The following PDXK variants were observed in gnomAD, a reference collection of about 807,000 sequenced individuals.
The protein encoded by PDXK is pyridoxal kinase, also known as epididymis secretory sperm binding protein Li 1a.
In PDXK, 15 loss-of-function variants were observed where a neutral mutation model predicts 43.2. The observed-to-expected ratio is 0.35, with a 90% confidence interval of 0.23 to 0.53. The LOEUF (loss-of-function observed/expected upper bound fraction) is 0.53, where lower values mean the gene tolerates loss of function less well. Ranked by LOEUF, PDXK falls within the 20% of genes least tolerant of loss-of-function variation. PDXK has a pLI of 0.92. For synonymous variants in PDXK, 172 were observed against 165.4 expected (o/e 1.04, Z -0.31); for missense variants, 343 against 417.0 (o/e 0.82, Z 1.54).
intron 1 of PDXK, chr21:43,721,972 G>C (rs2147200245): frequency 6.6e-6 from 1 of 152,616 alleles, no homozygotes; most frequent in African/African-American, 2.4e-5. Context: ...GGCAGGAGGT[G>C]CAGTGTGTCA....
At chr21:43,746,534 C>A (rs1198325791) in intron 5 of PDXK, among the ~76,000 whole-genome samples, 2 of 152,140 alleles carry the variant, frequency 1.3e-5, no homozygotes, top group African/African-American at 4.8e-5. Context: ...ATTCTTAATG[C>A]CTCAGTCTCC....
At chr21:43,719,557 C>T in intron 1 of PDXK, 176 bp downstream of exon 1, 1 of 970,092 alleles carries the variant, frequency 1.0e-6, no homozygotes, top group Non-Finnish European at 1.2e-6. Flanking sequence ...CTTGCGGGGG[C>T]GGAAGCGGAG....
rs527719025 is a variant in PDXK, at chr21:43,740,517, C to T, written c.143-1150C>T. On this transcript the variant is annotated intron_variant, in intron 2 of 10. Transcript: ENST00000291565. ...CTCGATGTGAGGCGTTTCTCATGGGCGAATGTGGGGTATCCATGGTGGACC... is the reference window on the plus strand; with the variant it reads ...CTCGATGTGAGGCGTTTCTCATGGGTGAATGTGGGGTATCCATGGTGGACC... Among the ~76,000 whole-genome samples, 55 of 152,082 alleles carry T rather than the reference C, an allele frequency of 3.6e-4. 1 individual carries two copies. Among genetic ancestry groups the T allele is most frequent in the East Asian group, 2.3e-3 (12 of 5,184 alleles).
chr21:43,737,315 C>T lies in PDXK; in HGVS notation c.142+3192C>T. On this transcript the variant is annotated intron_variant, in intron 2 of 10. Transcript: ENST00000291565. The surrounding 1 kb of genome is among the most constrained non-coding windows in gnomAD (Gnocchi z 4.8). ...CGCCTCGAGGCTGCTGCTCGCACTTCTGCCCCTTCCCCCGGCCAGGCCCCC... is the reference window on the plus strand; with the variant it reads ...CGCCTCGAGGCTGCTGCTCGCACTTTTGCCCCTTCCCCCGGCCAGGCCCCC... 2 of 1,375,280 alleles carry T rather than the reference C, an allele frequency of 1.5e-6. No homozygotes were observed. The highest frequency in any genetic ancestry group is 1.9e-6 in the Non-Finnish European group (2 of 1,065,246). 85.2% of individuals were successfully genotyped at this position (1,375,280 alleles called of 1,614,324 possible).
chr21:43,743,837 T>C, intron 4 of PDXK, 30 bp downstream of exon 4: 1 of 1,537,324 alleles, frequency 6.5e-7, no homozygotes, highest in East Asian at 2.3e-5. Flanking sequence ...CGGGTCTGGC[T>C]GTGTGGCCCC....
intron 5 of PDXK, 64 bp from the exon 6 acceptor site, chr21:43,748,931 G>A (rs1445941020): frequency 1.2e-5 from 12 of 1,005,498 alleles, no homozygotes; most frequent in East Asian, 2.4e-5. Context: ...GCTTCCCTCC[G>A]CGCCCCCTGG....
At chr21:43,733,247 A>ACCCCCCCCCCCC (rs1568976417) in intron 1 of PDXK, among the ~76,000 whole-genome samples, 1 of 26,796 alleles carries the variant, frequency 3.7e-5, no homozygotes, top group Non-Finnish European at 8.9e-5. Context: ...GCCCCTCCCC[A>ACCCCCCCCCCCC]TCCCCACCCC....
chr21:43,735,347 T>C lies in PDXK; in HGVS notation c.142+1224T>C, dbSNP rs1356281858. On this transcript the variant is annotated intron_variant, in intron 2 of 10. Coordinates refer to ENST00000291565, the MANE Select transcript of PDXK (RefSeq NM_003681.5). This position sits in a 1 kb window ranked among gnomAD's most constrained non-coding sequence, Gnocchi z 5.3. ...TGGGGACTGTGTTGGGCTCCGTCAG[T>C]GCTGGTTCAACATCCACACCGACCC... 6.6e-6 allele frequency among the ~76,000 whole-genome samples: 1 copy of C among 152,222 alleles called. No individual in the cohort carries two copies. The highest frequency in any genetic ancestry group is 1.5e-5 in the Non-Finnish European group (1 of 68,036).
At chr21:43,728,035 A>C (rs1177226762) in intron 1 of PDXK, among the ~76,000 whole-genome samples, 1 of 152,176 alleles carries the variant, frequency 6.6e-6, no homozygotes, top group African/African-American at 2.4e-5. Flanking sequence ...CCTCTGCGGC[A>C]CTGTGAGCCT....
At chr21:43,731,920 A>G (rs1194167109) in intron 1 of PDXK, among the ~76,000 whole-genome samples, 1 of 151,898 alleles carries the variant, frequency 6.6e-6, no homozygotes, top group African/African-American at 2.4e-5. Flanking sequence ...GAATTGTTGG[A>G]CTCTTTAGAA....
At chr21:43,750,041 T>TG (rs2083707154) in intron 6 of PDXK, among the ~76,000 whole-genome samples, 1 of 151,842 alleles carries the variant, frequency 6.6e-6, no homozygotes. Context: ...CACGCAGGGG[T>TG]GGGGGCGCCT....
chr21:43,755,716 G>A lies in PDXK; in HGVS notation c.778G>A (p.Val260Met), dbSNP rs1346374881. Residue 260 changes from valine (V) to methionine (M), a missense_variant, in exon 10 of 11, where the codon GTG (valine) becomes ATG (methionine). By Grantham distance (21) the Val-to-Met change is conservative. Transcript: ENST00000291565. Reference sequence around the variant, plus strand: ...CCTGCAGGTGGCCTGTGAGAAGACCGTGTCTACCTTGCACCACGTTCTGCA... The same window carrying A: ...CCTGCAGGTGGCCTGTGAGAAGACCATGTCTACCTTGCACCACGTTCTGCA... ...NNLKVACEKT[V>M]STLHHVLQRT... 5.6e-6 allele frequency: 9 copies of A among 1,613,986 alleles called. No homozygotes were observed. Among genetic ancestry groups the A allele is most frequent in the East Asian group, 2.2e-5 (1 of 44,888 alleles).
intron 1 of PDXK, among the ~76,000 whole-genome samples, chr21:43,724,052 C>T (rs1299231735): frequency 6.6e-6 from 1 of 152,220 alleles, no homozygotes; most frequent in East Asian, 1.9e-4. Flanking sequence ...CCATGGGACT[C>T]CCTGCAGCCC....
At chr21:43,736,848 G>T (rs1427863919) in intron 2 of PDXK, 12 of 688,402 alleles carry the variant, frequency 1.7e-5, no homozygotes, top group South Asian at 1.1e-4. Context: ...GCCCAAGGTG[G>T]TCTTGAACTC....
Position 43,740,800 on chromosome 21 carries a change from A to G in PDXK, c.143-867A>G, listed in dbSNP as rs1012482888. ...ACATCTATCTCTTGCTCAGGAGTTG[A>G]TCTAAGACAGGCTCTAATTGCACCT... On this transcript the variant is annotated intron_variant, in intron 2 of 10. Coordinates refer to ENST00000291565, the MANE Select transcript of PDXK (RefSeq NM_003681.5). Among the ~76,000 whole-genome samples, 41 of 151,824 alleles carry G rather than the reference A, an allele frequency of 2.7e-4. 1 individual carries two copies. The highest frequency in any genetic ancestry group is 9.9e-4 in the African/African-American group (41 of 41,482).
chr21:43,750,980 G>A (rs1047602344), intron 7 of PDXK, among the ~76,000 whole-genome samples: 1 of 148,272 alleles, frequency 6.7e-6, no homozygotes, highest in Non-Finnish European at 1.5e-5. Flanking sequence ...GTGTGTGTGT[G>A]CACATGTGTG....
chr21:43,751,394 C>G (rs578238649), intron 7 of PDXK, among the ~76,000 whole-genome samples: 6 of 152,232 alleles, frequency 3.9e-5, no homozygotes, highest in South Asian at 2.1e-4. Context: ...ACTAAAAATA[C>G]AAAAATTAGC....
Position 43,758,937 on chromosome 21 carries a change from T to C in PDXK, c.*2874T>C, listed in dbSNP as rs968730165. On this transcript the variant is annotated 3_prime_UTR_variant, in exon 11 of 11. Coordinates refer to ENST00000291565, the MANE Select transcript of PDXK (RefSeq NM_003681.5). ...TTATTTTTCCAATACATGTAAACAG[T>C]TGCAGCATGATGCTTTGTTTAATGT... 5.9e-5 allele frequency: 9 copies of C among 152,234 alleles called. No homozygotes were observed. The highest frequency in any genetic ancestry group is 2.2e-4 in the African/African-American group (9 of 41,464). The allele number at this position is 152,234 out of a possible 1,614,324, so 9.4% of individuals were successfully genotyped here.
At chr21:43,750,823 T>G (rs1384270469) in intron 7 of PDXK, among the ~76,000 whole-genome samples, 1 of 150,528 alleles carries the variant, frequency 6.6e-6, no homozygotes, top group African/African-American at 2.4e-5. Flanking sequence ...CGCACCCATG[T>G]GTGCATGTGT....
Sources: gnomAD v4.1 joint callset for allele counts (sites outside exome capture counted in the v4.1 genomes callset) on GRCh38, gnomAD v4.1.1 for gene constraint, Gnocchi (gnomAD v3.1) non-coding constraint, MANE v1.5 for transcripts, NCBI Gene and HGNC (gene_info 2026-07-23, HGNC 2026-07-21) for gene names.